The following ZNF510 variants were observed in gnomAD, a reference collection of about 807,000 sequenced individuals.
The protein encoded by ZNF510 is zinc finger protein 510.
Under a neutral mutation model 18.1 loss-of-function variants are expected in ZNF510, and 15 were observed. That is an observed-to-expected ratio of 0.83 (90% CI 0.55 to 1.28). ZNF510 has a LOEUF of 1.28. Among genes scored for constraint, ZNF510 ranks in the 50% most tolerant of loss-of-function variants. The pLI is 0.00. For synonymous variants in ZNF510, 261 were observed against 266.4 expected (o/e 0.98, Z 0.20); for missense variants, 724 against 791.8 (o/e 0.91, Z 1.03).
At chr9:96,769,056 A>C (rs1360269187) in intron 3 of ZNF510, among the ~76,000 whole-genome samples, 1 of 152,160 alleles carries the variant, frequency 6.6e-6, no homozygotes, top group African/African-American at 2.4e-5. Flanking sequence ...TTAGGAAAAA[A>C]ATAGTTTTCA....
chr9:96,760,478 C>G lies in ZNF510; in HGVS notation c.353-1G>C. 4 of 1,580,864 alleles carry G rather than the reference C, an allele frequency of 2.5e-6. No individual in the cohort carries two copies. The highest frequency in any genetic ancestry group is 3.4e-6 in the Non-Finnish European group (4 of 1,165,078). ...ATCAGGTCATCACCTCTGTAATCTT[C>G]TAAAACAGAAATATTGAAAACATCT... On this transcript the variant is annotated splice_acceptor_variant, in intron 5 of 5. Coordinates refer to ENST00000223428, the MANE Select transcript of ZNF510 (RefSeq NM_014930.3). LOFTEE classifies it high-confidence loss of function.
intron 2 of ZNF510, among the ~76,000 whole-genome samples, chr9:96,775,546 C>T (rs1197715586): frequency 2.0e-5 from 3 of 152,106 alleles, no homozygotes; most frequent in East Asian, 1.9e-4. Flanking sequence ...TATTTTTGTT[C>T]TAACTTATAG....
chr9:96,766,556 A>G (rs1362263664), intron 3 of ZNF510, among the ~76,000 whole-genome samples: 1 of 151,728 alleles, frequency 6.6e-6, no homozygotes, highest in Non-Finnish European at 1.5e-5. Flanking sequence ...ACTGATATAG[A>G]AGATTGAAAA....
chr9:96,761,059 G>A (rs1215071160), intron 5 of ZNF510, among the ~76,000 whole-genome samples: 1 of 152,118 alleles, frequency 6.6e-6, no homozygotes, highest in Non-Finnish European at 1.5e-5. Flanking sequence ...ATGATTAAAT[G>A]AAAAAGTTTA....
chr9:96,757,365 A>G lies in ZNF510; in HGVS notation c.*1413T>C, dbSNP rs1849220685. On this transcript the variant is annotated 3_prime_UTR_variant, in exon 6 of 6. Transcript: ENST00000223428. ...ATTCAGCCAAAAGACTTTTAGGTTC[A>G]TGCAAAGCCCTGTATCAGGTGGTAC... is the stretch of plus-strand genomic sequence containing the variant. 6.6e-6 allele frequency: 1 copy of G among 152,238 alleles called. No individual in the cohort carries two copies. The highest frequency in any genetic ancestry group is 1.5e-5 in the Non-Finnish European group (1 of 68,062). The allele number at this position is 152,238 out of a possible 1,614,324, so 9.4% of individuals were successfully genotyped here. A position where few individuals can be genotyped will look rare whatever the true frequency, so the allele number is the denominator to read the frequency against.
In ZNF510 at chr9:96,755,148, G is replaced by T. The variant is rs1849166419; in HGVS notation, c.*3630C>A. ...CCCAGTCATGGGGCTTTGCCACCTG[G>T]CCTCCCAATGACTCAGGCCACCTCG... On this transcript the variant is annotated 3_prime_UTR_variant, in exon 6 of 6. Transcript: ENST00000223428. Among the ~76,000 whole-genome samples the T allele has an allele frequency of 6.6e-6, 1 of 152,204 alleles. No individual in the cohort carries two copies. The highest frequency in any genetic ancestry group is 1.5e-5 in the Non-Finnish European group (1 of 68,036).
chr9:96,765,768 C>T (rs1253151713), intron 3 of ZNF510, among the ~76,000 whole-genome samples: 1 of 152,168 alleles, frequency 6.6e-6, no homozygotes, highest in East Asian at 1.9e-4. Flanking sequence ...ACCTCGGCCT[C>T]CCAAAGTGCT....
chr9:96,770,652 T>C (rs1180492960), intron 3 of ZNF510, among the ~76,000 whole-genome samples: 1 of 151,860 alleles, frequency 6.6e-6, no homozygotes, highest in Non-Finnish European at 1.5e-5. Flanking sequence ...GATCACATAT[T>C]ATGTGACTTC....
intron 5 of ZNF510, among the ~76,000 whole-genome samples, chr9:96,760,973 T>TA (rs1849334251): frequency 6.6e-6 from 1 of 151,948 alleles, no homozygotes; most frequent in Non-Finnish European, 1.5e-5. Flanking sequence ...GAATAGTCTA[T>TA]TGTCTACATT....
intron 3 of ZNF510, among the ~76,000 whole-genome samples, chr9:96,770,238 G>T (rs77068603): frequency 6.6e-6 from 1 of 152,174 alleles, no homozygotes; most frequent in African/African-American, 2.4e-5. Context: ...AAAAAGGAAT[G>T]ATGTACTGAT....
intron 3 of ZNF510, among the ~76,000 whole-genome samples, chr9:96,770,609 A>G (rs1170829946): frequency 6.8e-6 from 1 of 147,396 alleles, no homozygotes; most frequent in Non-Finnish European, 1.5e-5. Context: ...GTCTCAAAAA[A>G]AAAATATATA....
rs10978812 is a variant in ZNF510, at chr9:96,755,473, C to T, written c.*3305G>A. On this transcript the variant is annotated 3_prime_UTR_variant, in exon 6 of 6. Transcript: ENST00000223428. ...GCTTCTCTCCAGGGGTAACCTTATG[C>T]TCTCCTATTGTCAATGCATTTTCTT... is the stretch of plus-strand genomic sequence containing the variant. 0.065 allele frequency among the ~76,000 whole-genome samples: 9,873 copies of T among 152,164 alleles called. 1,074 individuals carry two copies. The highest frequency in any genetic ancestry group is 0.22 in the African/African-American group (9,278 of 41,468).
At position 96,764,682 on chromosome 9, in the gene ZNF510, CATT is replaced by C. The variant is rs1849429713; in HGVS notation, c.130-1053_130-1051del. On this transcript the variant is annotated intron_variant, in intron 3 of 5. Transcript: ENST00000223428. ...AAGTATAATACAACAACAAAGGAAA[CATT>C]ATATATATAGGGATTATGGAGATTG... Among the ~76,000 whole-genome samples, 4 of 151,842 alleles carry C rather than the reference CATT, an allele frequency of 2.6e-5. No homozygotes were observed. The South Asian group carries it at 6.2e-4, about 24-fold the overall frequency.
In ZNF510 at chr9:96,758,822, G is replaced by T. The variant is rs1170922794; in HGVS notation, c.2008C>A (p.Leu670Ile). 1 of 1,611,282 alleles carries T rather than the reference G, an allele frequency of 6.2e-7. No homozygotes were observed. The highest frequency in any genetic ancestry group is 8.5e-7 in the Non-Finnish European group (1 of 1,178,400). ...CCCTGAATTTTCTGGTATAAGCTTA[G>T]GGTAGACTTCTTACATAATTTCCCA... The part of the protein sequence containing the change: ...EYGKLCKKST[L>I]SLYQKIQGEG... Residue 670 changes from leucine (L) to isoleucine (I), a missense_variant, in exon 6 of 6, where the codon CTA becomes ATA. Leu to Ile is a conservative substitution (Grantham distance 5). Coordinates refer to ENST00000223428, the MANE Select transcript of ZNF510 (RefSeq NM_014930.3).
intron 3 of ZNF510, among the ~76,000 whole-genome samples, chr9:96,767,723 T>C (rs1330062236): frequency 6.6e-6 from 1 of 152,090 alleles, no homozygotes. Flanking sequence ...GAATCAGTAA[T>C]CCAAATCCTC....
chr9:96,763,203 A>G lies in ZNF510; in HGVS notation c.267T>C (p.Cys89=). 6.2e-7 allele frequency: 1 copy of G among 1,614,036 alleles called. No individual in the cohort carries two copies. Among genetic ancestry groups the G allele is most frequent in the Non-Finnish European group, 8.5e-7 (1 of 1,179,920 alleles). Residue 89 remains cysteine (C), a synonymous_variant, in exon 5 of 6, where the codon TGT becomes TGC. Coordinates refer to ENST00000223428, the MANE Select transcript of ZNF510 (RefSeq NM_014930.3). ...YSNLVSVGYC[C]FKPEVIFKLE... Reference sequence around the variant, plus strand: ...ACTTGAAGATCACCTCTGGTTTGAAACAGCAGTACCCTGTTAATAAAACAC... The same window carrying G: ...ACTTGAAGATCACCTCTGGTTTGAAGCAGCAGTACCCTGTTAATAAAACAC...
chr9:96,765,317 A>G (rs144294593), intron 3 of ZNF510, among the ~76,000 whole-genome samples: 2 of 152,268 alleles, frequency 1.3e-5, no homozygotes, highest in African/African-American at 2.4e-5. Context: ...CAACACTTGC[A>G]GTTATTTTGC....
chr9:96,774,849 G>T lies in ZNF510; in HGVS notation c.71-3C>A, dbSNP rs773809468. 6.2e-7 allele frequency: 1 copy of T among 1,613,758 alleles called. No homozygotes were observed. The highest frequency in any genetic ancestry group is 1.3e-5 in the African/African-American group (1 of 74,992). The stretch of plus-strand genomic sequence containing the variant: ...TGTGGAGAACCGTAAAGGATAACCT[G>T]GGGGTGAGGAAGGAGTCATGAGAGA... On this transcript the variant is annotated splice_region_variant and splice_polypyrimidine_tract_variant and intron_variant, in intron 2 of 5. Transcript: ENST00000223428.
chr9:96,762,204 T>TA (rs551652153), intron 5 of ZNF510, among the ~76,000 whole-genome samples: 29,552 of 99,370 alleles, frequency 0.3, 3,932 homozygotes, highest in East Asian at 0.52. Context: ...CTGTGGAAAT[T>TA]AAAAAAAAAA....
Sources: allele counts gnomAD v4.1 joint callset (sites outside exome capture counted in the v4.1 genomes callset), GRCh38; gene constraint gnomAD v4.1.1; transcripts MANE v1.5; gene names NCBI Gene and HGNC (gene_info 2026-07-23, HGNC 2026-07-21).